The following ASIC2 variants were observed in gnomAD, a reference collection of about 807,000 sequenced individuals.
ASIC2 encodes the protein acid sensing ion channel subunit 2.
A neutral mutation model predicts 57.3 loss-of-function variants in ASIC2; 25 were observed. The ratio of observed to expected loss-of-function variants is 0.44; its 90% CI spans 0.32 to 0.61. The LOEUF is 0.61. ASIC2 is among the 20% of genes least tolerant of loss of function. The pLI is 0.06. For missense variants in ASIC2, 641 were observed against 738.1 expected, an observed-to-expected ratio of 0.87 and a Z score of 1.52; for synonymous variants, 319 against 307.5, an observed-to-expected ratio of 1.04 and a Z score of -0.39.
intron 1 of ASIC2, among the ~76,000 whole-genome samples, chr17:33,901,409 A>C (rs1234559294): frequency 6.6e-6 from 1 of 152,136 alleles, no homozygotes; most frequent in Non-Finnish European, 1.5e-5. Flanking sequence ...GTCTAAGGTG[A>C]GCGGGGCTCA....
At chr17:33,417,422 T>C (rs1803001095) in intron 1 of ASIC2, among the ~76,000 whole-genome samples, 1 of 152,256 alleles carries the variant, frequency 6.6e-6, no homozygotes, top group Non-Finnish European at 1.5e-5. Flanking sequence ...TCTGTCTGTC[T>C]GTAGCTTCTA....
At chr17:33,704,340 C>T (rs1476758271) in intron 1 of ASIC2, among the ~76,000 whole-genome samples, 1 of 152,176 alleles carries the variant, frequency 6.6e-6, no homozygotes, top group Non-Finnish European at 1.5e-5. Flanking sequence ...CGTGTGCACT[C>T]AGAGAGCCAT....
chr17:33,993,246 G>T (rs902270384), intron 1 of ASIC2, among the ~76,000 whole-genome samples: 12 of 152,158 alleles, frequency 7.9e-5, no homozygotes, highest in Non-Finnish European at 1.2e-4. Flanking sequence ...AAGCAGTAAG[G>T]TTACAAGGAG....
intron 1 of ASIC2, among the ~76,000 whole-genome samples, chr17:33,354,157 C>T (rs1908290649): frequency 6.6e-6 from 1 of 152,152 alleles, no homozygotes; most frequent in African/African-American, 2.4e-5. Flanking sequence ...GATTCAATTA[C>T]CTCCCACTGA....
At chr17:34,128,903 G>A (rs1200371341) in intron 1 of ASIC2, among the ~76,000 whole-genome samples, 1 of 152,056 alleles carries the variant, frequency 6.6e-6, no homozygotes, top group Non-Finnish European at 1.5e-5. Context: ...CAGAAATTCT[G>A]ATTTAATCCA....
chr17:33,470,654 T>C (rs951130061), intron 1 of ASIC2, among the ~76,000 whole-genome samples: 2 of 152,172 alleles, frequency 1.3e-5, no homozygotes, highest in African/African-American at 2.4e-5. Context: ...GCTGGGATAG[T>C]GGGACTCAGA....
intron 1 of ASIC2, among the ~76,000 whole-genome samples, chr17:33,736,309 G>T (rs1027871502): frequency 6.6e-6 from 1 of 151,988 alleles, no homozygotes; most frequent in Non-Finnish European, 1.5e-5. Flanking sequence ...CCGAGGCAGC[G>T]ATAAAAGCTC....
At chr17:34,049,846 C>G (rs1272151596) in intron 1 of ASIC2, among the ~76,000 whole-genome samples, 1 of 152,154 alleles carries the variant, frequency 6.6e-6, no homozygotes. Flanking sequence ...GTGGTAATTA[C>G]TCTCTCCTCT....
At chr17:33,160,715 G>C (rs1905138711) in intron 1 of ASIC2, among the ~76,000 whole-genome samples, 1 of 152,178 alleles carries the variant, frequency 6.6e-6, no homozygotes, top group South Asian at 2.1e-4. Context: ...TGGTTGATGG[G>C]AAGATGGCTG....
At chr17:33,131,580 G>C (rs1283983517) in intron 1 of ASIC2, 1 of 152,306 alleles carries the variant, frequency 6.6e-6, no homozygotes, top group African/African-American at 2.4e-5. Context: ...TGCAGCTCCT[G>C]TCACACCAAG....
intron 1 of ASIC2, among the ~76,000 whole-genome samples, chr17:33,619,945 A>T (rs928248488): frequency 3.3e-5 from 5 of 152,190 alleles, no homozygotes; most frequent in African/African-American, 7.2e-5. Flanking sequence ...TGCAATGCAG[A>T]CAGCATTTGG....
At chr17:33,406,015 G>A (rs1056184015) in intron 1 of ASIC2, among the ~76,000 whole-genome samples, 1 of 144,304 alleles carries the variant, frequency 6.9e-6, no homozygotes, top group African/African-American at 2.5e-5. Flanking sequence ...ATGCAAAACA[G>A]GCTCTTTCCA....
intron 1 of ASIC2, among the ~76,000 whole-genome samples, chr17:33,753,295 A>C (rs1910489814): frequency 6.6e-6 from 1 of 151,962 alleles, no homozygotes. Flanking sequence ...GTTGCCATGG[A>C]TTGGGGGAAG....
chr17:33,543,640 C>T (rs891835573), intron 1 of ASIC2, among the ~76,000 whole-genome samples: 1 of 152,204 alleles, frequency 6.6e-6, no homozygotes, highest in African/African-American at 2.4e-5. Context: ...CTACCATTAT[C>T]GAGCATTTAT....
rs569144323 is a variant in ASIC2 at position 33,271,302 on chromosome 17, C to T, written c.708+20106G>A. On this transcript the variant is annotated intron_variant, in intron 1 of 9. Coordinates refer to ENST00000225823, the MANE Select transcript of ASIC2 (RefSeq NM_183377.2). ...TCTCTGTCAACACACTCCACTTATG[C>T]GATCCCACCCAGTCCCACTGACTAA... Among the ~76,000 whole-genome samples, 86 of 152,282 alleles carry T rather than the reference C, an allele frequency of 5.6e-4. 1 individual carries two copies. In the South Asian group the frequency reaches 0.017, roughly 31 times the overall value.
At chr17:33,848,163 A>G (rs1913665007) in intron 1 of ASIC2, among the ~76,000 whole-genome samples, 2 of 152,174 alleles carry the variant, frequency 1.3e-5, no homozygotes, top group Admixed American at 6.5e-5. Flanking sequence ...CCAGAAGGGC[A>G]GCCCTAGATC....
intron 1 of ASIC2, chr17:33,581,385 C>G (rs532517005): frequency 5.3e-5 from 8 of 152,258 alleles, no homozygotes; most frequent in African/African-American, 1.9e-4. Context: ...GATAGGAGCC[C>G]CAGCCAGCTG....
At chr17:33,058,490 A>C (rs2092007322) in intron 3 of ASIC2, among the ~76,000 whole-genome samples, 1 of 140,934 alleles carries the variant, frequency 7.1e-6, no homozygotes. Context: ...AAAAAAAAAA[A>C]ACAAAACCCA....
At chr17:34,001,694 G>A (rs1214084666) in intron 1 of ASIC2, 1 of 152,206 alleles carries the variant, frequency 6.6e-6, no homozygotes, top group Non-Finnish European at 1.5e-5. Context: ...CCACATAGAG[G>A]GTATCTCCAT....
Sources: allele counts gnomAD v4.1 joint callset (sites outside exome capture counted in the v4.1 genomes callset), GRCh38; gene constraint gnomAD v4.1.1; transcripts MANE v1.5; gene names NCBI Gene and HGNC (gene_info 2026-07-23, HGNC 2026-07-21).